The following NPHP1 variants were observed in gnomAD, a reference collection of about 807,000 sequenced individuals.
The protein encoded by NPHP1 is nephrocystin-1.
A neutral mutation model predicts 90.4 loss-of-function variants in NPHP1; 70 were observed. The observed-to-expected ratio is 0.77, with a 90% CI of 0.64 to 0.95. NPHP1 has a LOEUF of 0.95. NPHP1 is among the 40% of genes least tolerant of loss of function. The probability of loss-of-function intolerance (pLI) is 0.00; values close to 1 mark genes in which losing one functional copy is unlikely to be tolerated. For missense variants in NPHP1, 764 were observed against 795.9 expected (o/e 0.96, Z 0.48); for synonymous variants, 256 against 271.7 (o/e 0.94, Z 0.57).
intron 3 of NPHP1, 89 bp downstream of exon 3, chr2:110,179,535 G>A (rs1464917970): frequency 1.4e-6 from 1 of 697,158 alleles, no homozygotes; most frequent in African/African-American, 1.8e-5. Context: ...GTAAACCCAG[G>A]AACTTACCAA....
intron 16 of NPHP1, among the ~76,000 whole-genome samples, chr2:110,137,243 T>C (rs1386775992): frequency 2.6e-5 from 4 of 152,026 alleles, no homozygotes; most frequent in Admixed American, 6.6e-5. Context: ...CTAGGCAATC[T>C]CATTCAGGAC....
At chr2:110,193,732 T>C (rs1280292235) in intron 2 of NPHP1, among the ~76,000 whole-genome samples, 1 of 151,970 alleles carries the variant, frequency 6.6e-6, no homozygotes, top group East Asian at 1.9e-4. Context: ...CCACACCTAT[T>C]CCAAAATTGA....
At chr2:110,150,412 C>G (rs1681377091) in intron 11 of NPHP1, among the ~76,000 whole-genome samples, 156 bp from the exon 12 acceptor site, 1 of 152,092 alleles carries the variant, frequency 6.6e-6, no homozygotes, top group African/African-American at 2.4e-5. Context: ...TAATGTTTTT[C>G]TTTTTATATC....
chr2:110,184,879 C>CA, intron 2 of NPHP1: 2 of 696,928 alleles, frequency 2.9e-6, no homozygotes, highest in Non-Finnish European at 2.7e-6. Flanking sequence ...CAGACTTGAT[C>CA]AGGGAGGAGA....
chr2:110,192,929 TA>T (rs1684857388), intron 2 of NPHP1, among the ~76,000 whole-genome samples: 1 of 152,022 alleles, frequency 6.6e-6, no homozygotes, highest in African/African-American at 2.4e-5. Context: ...GAAGGAGAAA[TA>T]AAATCCTTTA....
intron 2 of NPHP1, among the ~76,000 whole-genome samples, chr2:110,196,840 T>C (rs1257277350): frequency 2.6e-5 from 4 of 152,164 alleles, no homozygotes; most frequent in African/African-American, 7.2e-5. Flanking sequence ...AATGATGAGT[T>C]CATGTCCTTT....
chr2:110,153,860 G>A (rs796650523), intron 11 of NPHP1, among the ~76,000 whole-genome samples: 1 of 152,114 alleles, frequency 6.6e-6, no homozygotes, highest in African/African-American at 2.4e-5. Flanking sequence ...GTGAGCACCT[G>A]TAATCTCAGC....
At chr2:110,131,267 T>C (rs1055494314) in intron 17 of NPHP1, among the ~76,000 whole-genome samples, 2 of 152,194 alleles carry the variant, frequency 1.3e-5, no homozygotes, top group Non-Finnish European at 2.9e-5. Flanking sequence ...GATTCACCAA[T>C]TTAAACTAAT....
intron 19 of NPHP1, chr2:110,125,305 G>A: frequency 2.6e-6 from 4 of 1,534,798 alleles, no homozygotes; most frequent in Middle Eastern, 1.7e-4. Context: ...CCTTCTCTTG[G>A]TGATACAGGC....
At chr2:110,197,303 A>G (rs949542191) in intron 2 of NPHP1, among the ~76,000 whole-genome samples, 9 of 152,156 alleles carry the variant, frequency 5.9e-5, no homozygotes, top group Admixed American at 5.9e-4. Flanking sequence ...AAAATAAAAA[A>G]CAGTAATAAA....
intron 4 of NPHP1, among the ~76,000 whole-genome samples, chr2:110,171,981 T>C (rs1310438659): frequency 2.0e-5 from 3 of 152,186 alleles, no homozygotes; most frequent in Non-Finnish European, 2.9e-5. Flanking sequence ...TTGGCACTAT[T>C]TCTTTCTTAA....
chr2:110,175,296 G>A lies in NPHP1; in HGVS notation c.329+3127C>T, dbSNP rs141675103. 8.9e-4 allele frequency among the ~76,000 whole-genome samples: 136 copies of A among 152,160 alleles called. 1 individual carries two copies. The East Asian group carries it at 0.014, about 16-fold the overall frequency. On this transcript the variant is annotated intron_variant, in intron 4 of 19. Transcript: ENST00000445609. ...AAAATAGGCTTTTATATGTACCCAC[G>A]TACCCATCTTCTTCAATCCTTTTTG...
intron 16 of NPHP1, among the ~76,000 whole-genome samples, chr2:110,135,349 C>A (rs1003495764): frequency 3.3e-5 from 5 of 151,008 alleles, no homozygotes; most frequent in Non-Finnish European, 7.4e-5. Context: ...TGTTGGCAGG[C>A]GCCTGTAGTC....
At chr2:110,129,770 G>T (rs1357758777) in intron 17 of NPHP1, among the ~76,000 whole-genome samples, 1 of 152,094 alleles carries the variant, frequency 6.6e-6, no homozygotes, top group Non-Finnish European at 1.5e-5. Flanking sequence ...GAAGAATTAG[G>T]AATTGAGGAT....
chr2:110,129,107 C>G lies in NPHP1; in HGVS notation c.1716+79G>C, dbSNP rs1035742091. On this transcript the variant is annotated intron_variant, in intron 18 of 19. Transcript: ENST00000445609. The stretch of plus-strand genomic sequence containing the variant: ...TCATCCTAGTAACAAAAAAAAAGGC[C>G]TAGACAGAACTCATTAACACAGAGT... 12 of 674,396 alleles carry G rather than the reference C, an allele frequency of 1.8e-5. No homozygotes were observed. In the Admixed American group the frequency reaches 3.6e-4, roughly 20 times the overall value. 41.8% of individuals were successfully genotyped at this position (674,396 alleles called of 1,614,324 possible).
chr2:110,178,235 C>T (rs1341911272), intron 4 of NPHP1, 188 bp downstream of exon 4: 2 of 616,874 alleles, frequency 3.2e-6, no homozygotes, highest in African/African-American at 1.8e-5. Context: ...GAGACTATGA[C>T]TTACACTTCT....
chr2:110,184,326 C>A, intron 2 of NPHP1: 1 of 611,378 alleles, frequency 1.6e-6, no homozygotes, highest in Non-Finnish European at 3.1e-6. Context: ...ACACATCTGG[C>A]AATATGTCTA....
chr2:110,188,598 T>C (rs988754384), intron 2 of NPHP1, among the ~76,000 whole-genome samples: 2 of 152,116 alleles, frequency 1.3e-5, no homozygotes, highest in African/African-American at 4.8e-5. Context: ...AAATAATGTA[T>C]AGATTCAATG....
chr2:110,165,609 TAATA>T (rs1682675188), intron 6 of NPHP1, among the ~76,000 whole-genome samples: 1 of 151,956 alleles, frequency 6.6e-6, no homozygotes, highest in Admixed American at 6.6e-5. Flanking sequence ...TTTAGCTACA[TAATA>T]AATAAACATG....
Sources: allele counts gnomAD v4.1 joint callset (sites outside exome capture counted in the v4.1 genomes callset), GRCh38; gene constraint gnomAD v4.1.1; transcripts MANE v1.5; gene names NCBI Gene and HGNC (gene_info 2026-07-23, HGNC 2026-07-21).